The following TLN2 variants were observed in gnomAD, a reference collection of about 807,000 sequenced individuals.
TLN2 encodes the protein talin-2.
In TLN2, 118 loss-of-function variants were observed where a neutral mutation model predicts 294.7. The ratio of observed to expected loss-of-function variants is 0.40; its 90% CI spans 0.34 to 0.47. TLN2 has a LOEUF of 0.47. TLN2 is among the 20% of genes least tolerant of loss of function. The pLI is 0.84. For synonymous variants in TLN2, 1,431 were observed against 1,304.5 expected (o/e 1.10, Z -2.09); for missense variants, 3,083 against 3,282.2 (o/e 0.94, Z 1.48).
chr15:62,664,070 T>C (rs1467650795), intron 9 of TLN2, among the ~76,000 whole-genome samples: 2 of 151,996 alleles, frequency 1.3e-5, no homozygotes, highest in South Asian at 2.1e-4. Context: ...TAAGGTGATA[T>C]AGTAATTCAA....
intron 1 of TLN2, among the ~76,000 whole-genome samples, chr15:62,547,558 T>C (rs62006699): frequency 0.16 from 24,888 of 152,212 alleles, 2,062 homozygotes; most frequent in African/African-American, 0.19. Flanking sequence ...TATCTGGAGC[T>C]ACAGGTATGA....
intron 1 of TLN2, among the ~76,000 whole-genome samples, chr15:62,551,096 G>T (rs185049093): frequency 6.6e-6 from 1 of 152,118 alleles, no homozygotes; most frequent in Non-Finnish European, 1.5e-5. Flanking sequence ...TAGGTCCCTC[G>T]CATGGGTGGT....
chr15:62,680,813 A>G (rs2056761069), intron 11 of TLN2, among the ~76,000 whole-genome samples: 1 of 152,160 alleles, frequency 6.6e-6, no homozygotes, highest in Admixed American at 6.5e-5. Flanking sequence ...TCCCATTTAT[A>G]GGTGAGAGCA....
At chr15:62,686,835 C>A in intron 12 of TLN2, 39 bp downstream of exon 12, 1 of 1,606,778 alleles carries the variant, frequency 6.2e-7, no homozygotes, top group Non-Finnish European at 8.5e-7. Flanking sequence ...ACTAGCGTGG[C>A]CTTGAGTGAT....
intron 2 of TLN2, among the ~76,000 whole-genome samples, chr15:62,596,553 C>A (rs2046535893): frequency 6.6e-6 from 1 of 152,032 alleles, no homozygotes; most frequent in Non-Finnish European, 1.5e-5. Flanking sequence ...GCCTGGCCAA[C>A]ATGGCAAAAC....
chr15:62,586,301 C>T (rs1032128740), intron 1 of TLN2, among the ~76,000 whole-genome samples: 3 of 152,200 alleles, frequency 2.0e-5, no homozygotes, highest in African/African-American at 4.8e-5. Context: ...CATGATTGCT[C>T]ATCTCTGAAA....
chr15:62,810,999 A>G (rs558012352), intron 52 of TLN2, among the ~76,000 whole-genome samples: 1 of 152,340 alleles, frequency 6.6e-6, no homozygotes, highest in South Asian at 2.1e-4. Flanking sequence ...CTTATGGCCA[A>G]CAGATTGATC....
At chr15:62,833,784 T>A in intron 55 of TLN2, 155 bp downstream of exon 55, 2 of 1,107,286 alleles carry the variant, frequency 1.8e-6, no homozygotes, top group Non-Finnish European at 2.5e-6. Flanking sequence ...GACTGAAAAC[T>A]ACAGCCTTCA....
intron 46 of TLN2, among the ~76,000 whole-genome samples, chr15:62,794,751 T>A (rs2065341483): frequency 6.6e-6 from 1 of 152,150 alleles, no homozygotes; most frequent in Admixed American, 6.5e-5. Context: ...TCCCTGTGCC[T>A]CTCCTGCCAG....
chr15:62,736,240 A>G (rs1464102005), intron 28 of TLN2, among the ~76,000 whole-genome samples: 4 of 152,012 alleles, frequency 2.6e-5, no homozygotes, highest in African/African-American at 9.7e-5. Context: ...GAATGGCGTG[A>G]ACCTGGGAGG....
rs552694323 is a variant in TLN2 at position 62,556,046 on chromosome 15, A to G, written c.-237-33641A>G. Among the ~76,000 whole-genome samples the G allele has an allele frequency of 6.7e-5, 10 of 150,214 alleles. No individual in the cohort carries two copies. In the South Asian group the frequency reaches 2.1e-3, roughly 31 times the overall value. On this transcript the variant is annotated intron_variant, in intron 1 of 58. Transcript: ENST00000636159. ...ACTTAACGTTGACTTAGTTGACTTT[A>G]CAAACTGAGGAAGAATTGTTGTCTT...
chr15:62,433,315 C>T (rs1489739061), intron 1 of TLN2, among the ~76,000 whole-genome samples: 2 of 152,056 alleles, frequency 1.3e-5, no homozygotes, highest in Non-Finnish European at 2.9e-5. Context: ...TGAATTAAGT[C>T]AACTCTAAGG....
At chr15:62,615,003 ACCATGTTGG>A (rs1383188953) in intron 2 of TLN2, among the ~76,000 whole-genome samples, 1 of 151,182 alleles carries the variant, frequency 6.6e-6, no homozygotes, top group Non-Finnish European at 1.5e-5. Context: ...ATGGGGTTTC[ACCATGTTGG>A]CCAGGTTGGT....
intron 1 of TLN2, among the ~76,000 whole-genome samples, chr15:62,399,032 G>T (rs1023900068): frequency 6.6e-6 from 1 of 152,012 alleles, no homozygotes; most frequent in Non-Finnish European, 1.5e-5. Flanking sequence ...CATCCCAGCC[G>T]CTCCAGCAGT....
At position 62,533,215 on chromosome 15, in the gene TLN2, T is replaced by G. The variant is rs867085981; in HGVS notation, c.-237-56472T>G. On this transcript the variant is annotated intron_variant, in intron 1 of 58. Transcript: ENST00000636159. ...GTTACAGTGAGCCGAGATTGTACCATTGCACTCCAGCCTCGGTGACAGAGT... is the reference window on the plus strand; with the variant it reads ...GTTACAGTGAGCCGAGATTGTACCAGTGCACTCCAGCCTCGGTGACAGAGT... 2.6e-4 allele frequency among the ~76,000 whole-genome samples: 36 copies of G among 138,748 alleles called. 1 individual carries two copies. The highest frequency in any genetic ancestry group is 1.2e-3 in the South Asian group (5 of 4,228). The allele number at this position is 138,748 out of a possible 152,430, so 91.0% of individuals were successfully genotyped here. A position where few individuals can be genotyped will look rare whatever the true frequency, so the allele number is the denominator to read the frequency against.
intron 9 of TLN2, among the ~76,000 whole-genome samples, chr15:62,672,947 T>C (rs1329040348): frequency 6.6e-6 from 1 of 152,122 alleles, no homozygotes. Context: ...CTTTTTGCAT[T>C]TTGTTTATTT....
rs1288942800 is a variant in TLN2 at position 62,553,399 on chromosome 15, C to T, written c.-237-36288C>T. Among the ~76,000 whole-genome samples, 3 of 152,030 alleles carry T rather than the reference C, an allele frequency of 2.0e-5. No homozygotes were observed. In the East Asian group the frequency reaches 5.8e-4, roughly 29 times the overall value. On this transcript the variant is annotated intron_variant, in intron 1 of 58. Transcript: ENST00000636159. ...ACTCAGGAGGCTGAGGCAGGAGAAT[C>T]ACTTGAACCCAGGAGGCGGAGGTTG...
chr15:62,640,481 T>C, intron 3 of TLN2: 1 of 407,844 alleles, frequency 2.5e-6, no homozygotes, highest in Non-Finnish European at 4.9e-6. Flanking sequence ...AAACCCCTGC[T>C]TTACACAGGA....
At chr15:62,784,504 G>A (rs1437118389) in intron 45 of TLN2, 2 of 152,374 alleles carry the variant, frequency 1.3e-5, no homozygotes, top group African/African-American at 4.8e-5. Context: ...AGAGTCTAAC[G>A]GTAGCCAAAG....
Sources: allele counts gnomAD v4.1 joint callset (sites outside exome capture counted in the v4.1 genomes callset), GRCh38; gene constraint gnomAD v4.1.1; transcripts MANE v1.5; gene names NCBI Gene and HGNC (gene_info 2026-07-23, HGNC 2026-07-21).